The following SLC11A1 variants were observed in gnomAD, a reference collection of about 807,000 sequenced individuals.
SLC11A1 encodes the protein solute carrier family 11 member 1.
SLC11A1 carries 59 observed loss-of-function variants against 63.2 expected under a neutral mutation model. The observed-to-expected ratio is 0.93, with a 90% CI of 0.76 to 1.16. SLC11A1 has a LOEUF of 1.16. Among genes scored for constraint, SLC11A1 ranks in the 50% most tolerant of loss-of-function variants. SLC11A1 has a pLI of 0.00. For missense variants in SLC11A1, 688 were observed against 730.7 expected (o/e 0.94, Z 0.67); for synonymous variants, 305 against 307.8 (o/e 0.99, Z 0.09).
In SLC11A1 at chr2:218,386,755, G is replaced by A. The variant is rs1310680049; in HGVS notation, c.500+14G>A. Reference sequence around the variant, plus strand: ...CTCAGCTGGACGGTACCACCCCAGTGTACCCCAACTCTTCAGGCCAGGCAG... The same window carrying A: ...CTCAGCTGGACGGTACCACCCCAGTATACCCCAACTCTTCAGGCCAGGCAG... On this transcript the variant is annotated intron_variant, in intron 5 of 14. Transcript: ENST00000233202. 1 of 1,594,220 alleles carries A rather than the reference G, an allele frequency of 6.3e-7. No individual in the cohort carries two copies. Among genetic ancestry groups the A allele is most frequent in the Non-Finnish European group, 8.6e-7 (1 of 1,162,246 alleles).
At chr2:218,388,136 G>A in intron 8 of SLC11A1, 181 bp downstream of exon 8, 1 of 676,184 alleles carries the variant, frequency 1.5e-6, no homozygotes. Context: ...TTGGGAGGCG[G>A]AGGCGGGCGG....
chr2:218,385,464 C>G, intron 4 of SLC11A1, 198 bp downstream of exon 4: 1 of 663,446 alleles, frequency 1.5e-6, no homozygotes, highest in Non-Finnish European at 2.7e-6. Flanking sequence ...GATGTCAGCT[C>G]ACTGCAACCT....
At position 218,384,120 on chromosome 2, in the gene SLC11A1, G is replaced by A. The variant is rs912188163; in HGVS notation, c.151-123G>A. ...CCCTTGGGTGGCAGACCCAGGAATGGGCCATGGAGGGCAGGGCTGGGCTGA... is the reference window on the plus strand; with the variant it reads ...CCCTTGGGTGGCAGACCCAGGAATGAGCCATGGAGGGCAGGGCTGGGCTGA... On this transcript the variant is annotated intron_variant, in intron 2 of 14. Coordinates refer to ENST00000233202, the MANE Select transcript of SLC11A1 (RefSeq NM_000578.4). This position sits in a 1 kb window ranked among gnomAD's most constrained non-coding sequence, Gnocchi z 4.0. The A allele has an allele frequency of 9.5e-7, 1 of 1,050,000 alleles. No homozygotes were observed. The highest frequency in any genetic ancestry group is 1.6e-5 in the African/African-American group (1 of 61,916). The allele number at this position is 1,050,000 out of a possible 1,614,324, so 65.0% of individuals were successfully genotyped here. A position where few individuals can be genotyped will look rare whatever the true frequency, so the allele number is the denominator to read the frequency against.
chr2:218,391,608 C>CT lies in SLC11A1; in HGVS notation c.1164+122dup, dbSNP rs888204971. ...CTCTTTTCTTTTCTTTCTTTTCTTC[C>CT]TTTTTTTTTGTTTTTGTTTTTGTTG... On this transcript the variant is annotated intron_variant, in intron 11 of 14. Transcript: ENST00000233202. 1.2e-3 allele frequency: 1,510 copies of CT among 1,258,386 alleles called. 7 individuals carry two copies. The highest frequency in any genetic ancestry group is 0.011 in the African/African-American group (693 of 65,894). 78.0% of individuals were successfully genotyped at this position (1,258,386 alleles called of 1,614,324 possible).
At chr2:218,386,949 C>T in intron 5 of SLC11A1, 1 of 646,178 alleles carries the variant, frequency 1.5e-6, no homozygotes, top group Middle Eastern at 4.2e-4. Context: ...CAGCCCCAAA[C>T]TCCCTGCTGC....
At chr2:218,394,412 C>A in intron 13 of SLC11A1, 1 of 690,228 alleles carries the variant, frequency 1.4e-6, no homozygotes, top group Non-Finnish European at 2.4e-6. Context: ...GCCTCACTCT[C>A]GCCTCAGACT....
intron 9 of SLC11A1, 95 bp downstream of exon 9, chr2:218,390,123 G>A (rs1696345142): frequency 7.7e-7 from 1 of 1,298,646 alleles, no homozygotes. Context: ...GAGCCCTTCT[G>A]AGTCTCTGCC....
intron 6 of SLC11A1, among the ~76,000 whole-genome samples, 156 bp from the exon 7 acceptor site, chr2:218,387,409 C>G (rs1023187556): frequency 1.2e-4 from 18 of 152,224 alleles, no homozygotes; most frequent in Admixed American, 9.2e-4. Flanking sequence ...AATAATAGCA[C>G]AGACTTCAGA....
intron 11 of SLC11A1, chr2:218,392,486 C>G (rs1313417438): frequency 6.4e-6 from 1 of 155,972 alleles, no homozygotes; most frequent in African/African-American, 2.4e-5. Flanking sequence ...AGGCTCATGC[C>G]ACCACACCAG....
At chr2:218,390,163 T>C in intron 9 of SLC11A1, 135 bp downstream of exon 9, 1 of 893,006 alleles carries the variant, frequency 1.1e-6, no homozygotes, top group Non-Finnish European at 1.7e-6. Flanking sequence ...GCAGATATCA[T>C]TCATTCAGCA....
chr2:218,387,673 G>A, intron 7 of SLC11A1, 41 bp downstream of exon 7: 7 of 1,613,160 alleles, frequency 4.3e-6, no homozygotes, highest in Non-Finnish European at 5.9e-6. Flanking sequence ...GACCTCCCAA[G>A]ATCATTCCTC....
At chr2:218,383,360 G>C (rs1695906859) in intron 2 of SLC11A1, 7 of 486,730 alleles carry the variant, frequency 1.4e-5, no homozygotes, top group Non-Finnish European at 2.2e-5. Flanking sequence ...AAGAGGCCCA[G>C]GGGGAATTGG....
Position 218,394,713 on chromosome 2 carries a change from C to G in SLC11A1, c.1470C>G (p.Ser490Arg). The G allele has an allele frequency of 6.2e-7, 1 of 1,614,032 alleles. No individual in the cohort carries two copies. Among genetic ancestry groups the G allele is most frequent in the Non-Finnish European group, 8.5e-7 (1 of 1,180,032 alleles). Residue 490 changes from serine (S) to arginine (R), a missense_variant, in exon 14 of 15, where the codon AGC becomes AGG. By Grantham distance (110) the Ser-to-Arg change is moderately radical. Coordinates refer to ENST00000233202, the MANE Select transcript of SLC11A1 (RefSeq NM_000578.4). ...NLYFVVSYLP[S>R]LPHPAYFGLA... is the part of the protein sequence containing the mutation. ...ACTTCGTGGTCAGCTATCTGCCCAG[C>G]CTGCCCCACCCTGCCTACTTCGGCC...
Position 218,394,131 on chromosome 2 carries a change from C to G in SLC11A1, c.1326C>G (p.Ala442=), listed in dbSNP as rs143981678. Residue 442 remains alanine, a synonymous_variant, in exon 13 of 15, where the codon GCC becomes GCG. Coordinates refer to ENST00000233202, the MANE Select transcript of SLC11A1 (RefSeq NM_000578.4). ...NVLQSLLLPF[A]VLPILTFTSM... ...GCTGCTCTCCCCAGCTCCCGTTCGC[C>G]GTGCTGCCCATCCTCACGTTCACCA... The G allele has an allele frequency of 1.2e-5, 20 of 1,613,996 alleles. No individual in the cohort carries two copies. The African/African-American group carries it at 2.1e-4, about 17-fold the overall frequency.
intron 14 of SLC11A1, 69 bp downstream of exon 14, chr2:218,394,854 T>C (rs911823869): frequency 4.4e-6 from 7 of 1,606,706 alleles, no homozygotes; most frequent in African/African-American, 1.3e-5. Flanking sequence ...ATGGGGAGGG[T>C]TTGGGGGGAC....
At chr2:218,391,609 T>A in intron 11 of SLC11A1, 114 bp downstream of exon 11, 1 of 1,119,082 alleles carries the variant, frequency 8.9e-7, no homozygotes, top group Non-Finnish European at 1.2e-6. Flanking sequence ...CTTTTCTTCC[T>A]TTTTTTTTGT....
At chr2:218,393,254 C>A in intron 12 of SLC11A1, 124 bp downstream of exon 12, 1 of 1,026,736 alleles carries the variant, frequency 9.7e-7, no homozygotes, top group Non-Finnish European at 1.3e-6. Flanking sequence ...GCCTACAAGG[C>A]TTCCATTGTC....
rs565399059 is a variant in SLC11A1, at chr2:218,391,407, C to T, written c.1076C>T (p.Ala359Val). 69 of 1,614,016 alleles carry T rather than the reference C, an allele frequency of 4.3e-5. No homozygotes were observed. The highest frequency in any genetic ancestry group is 3.2e-4 in the African/African-American group (24 of 75,066). The change falls in exon 11 of 15, where the codon GCG becomes GTG. Residue 359 changes from alanine (A) to valine (V), a missense_variant. Physicochemically the swap from Ala to Val is moderately conservative, Grantham distance 64 (BLOSUM62 0). Transcript: ENST00000233202. ...GVILGCLFGP[A>V]ALYIWAIGLL... ...ATCCTGGGCTGCCTGTTCGGCCCCG[C>T]GGCCCTCTACATCTGGGCCATAGGT...
At position 218,387,626 on chromosome 2, in the gene SLC11A1, C is replaced by A; in HGVS notation, c.633C>A (p.Gly211=). ...LLITIMALTF[G]YEYVVARPEQ... is the part of the protein sequence containing the mutation. Reference sequence around the variant, plus strand: ...TAACCATTATGGCCTTGACCTTTGGCTATGAGGTAGGAAGCCAGTGCTGCA... The same window carrying A: ...TAACCATTATGGCCTTGACCTTTGGATATGAGGTAGGAAGCCAGTGCTGCA... Residue 211 remains glycine, a synonymous_variant, in exon 7 of 15, where the codon GGC becomes GGA. Transcript: ENST00000233202. 1 of 1,614,124 alleles carries A rather than the reference C, an allele frequency of 6.2e-7. No individual in the cohort carries two copies. Among genetic ancestry groups the A allele is most frequent in the Non-Finnish European group, 8.5e-7 (1 of 1,179,980 alleles).
Sources: allele counts gnomAD v4.1 joint callset (sites outside exome capture counted in the v4.1 genomes callset), GRCh38; gene constraint gnomAD v4.1.1; non-coding constraint Gnocchi (gnomAD v3.1); transcripts MANE v1.5; gene names NCBI Gene and HGNC (gene_info 2026-07-23, HGNC 2026-07-21).